PCYT1B: variants seen among roughly 807,000 people sequenced by gnomAD.
PCYT1B encodes the protein choline-phosphate cytidylyltransferase B.
A neutral mutation model predicts 26.4 loss-of-function variants in PCYT1B; 10 were observed. The observed-to-expected ratio is 0.38, with a 90% CI of 0.23 to 0.64. The LOEUF is 0.64. Ranked by LOEUF, PCYT1B falls within the 30% of genes least tolerant of loss-of-function variation. The pLI is 0.56. For missense variants in PCYT1B, 161 were observed against 292.7 expected, an observed-to-expected ratio of 0.55 and a Z score of 3.28; for synonymous variants, 131 against 108.4, an observed-to-expected ratio of 1.21 and a Z score of -1.29.
intron 3 of PCYT1B, among the ~76,000 whole-genome samples, chrX:24,598,048 A>G (rs943336202): frequency 8.9e-6 from 1 of 112,001 alleles, no homozygotes; most frequent in African/African-American, 3.2e-5. Context: ...CAATAAACCA[A>G]AGCTATATAG....
At chrX:24,572,937 T>TATACAC (rs1274157411) in intron 7 of PCYT1B, among the ~76,000 whole-genome samples, 1 of 103,169 alleles carries the variant, frequency 9.7e-6, no homozygotes, top group African/African-American at 3.6e-5. Flanking sequence ...TATATATATA[T>TATACAC]ACACACACAC....
At chrX:24,660,739 G>A (rs892930284) in intron 1 of PCYT1B, among the ~76,000 whole-genome samples, 9 of 109,299 alleles carry the variant, frequency 8.2e-5, no homozygotes, top group African/African-American at 2.0e-4. Context: ...GTAGCTATAT[G>A]CGGTCAATGA....
chrX:24,569,667 G>A (rs1923756349), intron 7 of PCYT1B, among the ~76,000 whole-genome samples: 1 of 112,281 alleles, frequency 8.9e-6, no homozygotes, highest in African/African-American at 3.2e-5. Flanking sequence ...GACAAATGCT[G>A]TATGATTCCA....
At chrX:24,600,010 C>T (rs1924908438) in intron 3 of PCYT1B, among the ~76,000 whole-genome samples, 1 of 110,791 alleles carries the variant, frequency 9.0e-6, no homozygotes, top group South Asian at 3.8e-4. Context: ...TGGGTTCAAG[C>T]GATTCTCCCA....
intron 1 of PCYT1B, among the ~76,000 whole-genome samples, chrX:24,660,054 G>A (rs182042757): frequency 3.6e-5 from 4 of 111,446 alleles, no homozygotes; most frequent in African/African-American, 9.8e-5. Flanking sequence ...AAAACACTGA[G>A]GGCTGATTCC....
intron 4 of PCYT1B, 124 bp downstream of exon 4, chrX:24,589,899 C>T: frequency 1.8e-6 from 1 of 552,207 alleles, no homozygotes; most frequent in South Asian, 3.9e-5. Context: ...AGCAGTTCCA[C>T]ATGACAGTTC....
At chrX:24,631,747 C>A (rs2034405867) in intron 1 of PCYT1B, among the ~76,000 whole-genome samples, 1 of 111,881 alleles carries the variant, frequency 8.9e-6, no homozygotes, top group African/African-American at 3.2e-5. Flanking sequence ...GGGCGGATCA[C>A]CTGAGGTCAG....
intron 7 of PCYT1B, among the ~76,000 whole-genome samples, chrX:24,564,188 A>T (rs1437481994): frequency 3.0e-5 from 1 of 33,690 alleles, no homozygotes; most frequent in Non-Finnish European, 9.1e-5. Flanking sequence ...TCTCAAGAGA[A>T]AAAAAAAAAA....
chrX:24,569,982 G>A (rs1156863692), intron 7 of PCYT1B, among the ~76,000 whole-genome samples: 4 of 110,416 alleles, frequency 3.6e-5, no homozygotes, highest in African/African-American at 9.9e-5. Context: ...TCAGGAGTTC[G>A]AGACCAGCCT....
chrX:24,668,706 T>A (rs1927177005), intron 1 of PCYT1B, among the ~76,000 whole-genome samples: 1 of 108,389 alleles, frequency 9.2e-6, no homozygotes, highest in Admixed American at 9.8e-5. Flanking sequence ...GGTTCCTTCC[T>A]CCTTGCCTTT....
intron 2 of PCYT1B, among the ~76,000 whole-genome samples, chrX:24,615,468 CTT>C (rs762614498): frequency 9.6e-6 from 1 of 103,709 alleles, no homozygotes. Context: ...TTGTCCCACA[CTT>C]TTTTTTTTTT....
rs72623014 is a variant in PCYT1B at position 24,661,728 on chromosome X, T to C, written c.63+10842A>G. Among the ~76,000 whole-genome samples, 84 of 112,377 alleles carry C rather than the reference T, an allele frequency of 7.5e-4. 1 individual carries two copies. The East Asian group carries it at 0.018, about 25-fold the overall frequency. ...GATTAAATGAGATCTAAAAGACATA[T>C]CAATCAATTGCAATATGTACACTGT... On this transcript the variant is annotated intron_variant, in intron 1 of 7. Transcript: ENST00000379145.
chrX:24,614,063 C>T (rs1357291077), intron 2 of PCYT1B, among the ~76,000 whole-genome samples: 2 of 111,015 alleles, frequency 1.8e-5, no homozygotes, highest in East Asian at 2.8e-4. Flanking sequence ...CTGGACTTTT[C>T]CTTTATGTCA....
Position 24,637,509 on chromosome X carries a change from T to TATATAA in PCYT1B, c.117+9479_117+9480insTTATAT, listed in dbSNP as rs779316769. Among the ~76,000 whole-genome samples the TATATAA allele has an allele frequency of 1.9e-3, 122 of 64,034 alleles. 11 individuals are homozygous for TATATAA. The highest frequency in any genetic ancestry group is 0.01 in the African/African-American group (103 of 10,141). The allele number at this position is 64,034 out of a possible 115,157, so 55.6% of individuals were successfully genotyped here. A position where few individuals can be genotyped will look rare whatever the true frequency, so the allele number is the denominator to read the frequency against. On this transcript the variant is annotated intron_variant, in intron 1 of 7. Coordinates refer to ENST00000379144, the MANE Select transcript of PCYT1B (RefSeq NM_004845.5). ...AAAAAAAAATATATATATATATATA[T>TATATAA]ATAAATTAGCTGAGCGTGGTGGCGT...
intron 7 of PCYT1B, among the ~76,000 whole-genome samples, chrX:24,567,474 T>G (rs1396953145): frequency 1.8e-5 from 2 of 111,889 alleles, no homozygotes; most frequent in Non-Finnish European, 3.8e-5. Flanking sequence ...TTTAGAAATA[T>G]AACAAATAAG....
chrX:24,605,851 G>T (rs1353974098), intron 3 of PCYT1B, among the ~76,000 whole-genome samples: 1 of 109,553 alleles, frequency 9.1e-6, no homozygotes, highest in Non-Finnish European at 1.9e-5. Context: ...GTCAGGAGTT[G>T]AAGACCAGCC....
chrX:24,672,622 T>C, exon 1 of PCYT1B: 1 of 1,202,703 alleles, frequency 8.3e-7, no homozygotes, highest in Non-Finnish European at 1.1e-6. Context: ...GCACTCCTGA[T>C]GGCCTACCAT....
At chrX:24,618,920 GC>G (rs750698622) in intron 2 of PCYT1B, 64 bp downstream of exon 2, 2 of 733,225 alleles carry the variant, frequency 2.7e-6, no homozygotes, top group Non-Finnish European at 3.9e-6. Context: ...ACCACGCCCG[GC>G]CCCTTTCTGA....
chrX:24,565,308 A>G (rs1179655250), intron 7 of PCYT1B, among the ~76,000 whole-genome samples: 1 of 111,421 alleles, frequency 9.0e-6, no homozygotes, highest in African/African-American at 3.3e-5. Flanking sequence ...TTACCATCTT[A>G]GGCTTTGCTT....
Sources: gnomAD v4.1 joint callset for allele counts (sites outside exome capture counted in the v4.1 genomes callset) on GRCh38, gnomAD v4.1.1 for gene constraint, MANE v1.5 for transcripts, NCBI Gene and HGNC (gene_info 2026-07-23, HGNC 2026-07-21) for gene names.